Variants in FGF1 observed in about 807,000 individuals in gnomAD.
The protein encoded by FGF1 is beta-endothelial cell growth factor.
FGF1 carries 9 observed loss-of-function variants against 13.4 expected under a neutral mutation model. That is an observed-to-expected ratio of 0.67 (90% confidence interval 0.40 to 1.17). The LOEUF is 1.17. Among genes scored for constraint, FGF1 ranks in the 50% most tolerant of loss-of-function variants. FGF1 has a pLI of 0.01. For missense variants in FGF1, 156 were observed against 192.7 expected, an observed-to-expected ratio of 0.81 and a Z score of 1.13; for synonymous variants, 93 against 79.0, an observed-to-expected ratio of 1.18 and a Z score of -0.94.
At chr5:142,630,896 G>A (rs1414132307) in intron 1 of FGF1, among the ~76,000 whole-genome samples, 1 of 152,170 alleles carries the variant, frequency 6.6e-6, no homozygotes. Flanking sequence ...ACCATCATCT[G>A]TAATTAATTA....
chr5:142,664,312 G>A (rs1769867095), intron 1 of FGF1, among the ~76,000 whole-genome samples: 1 of 152,206 alleles, frequency 6.6e-6, no homozygotes, highest in African/African-American at 2.4e-5. Context: ...TTGGGCCCAG[G>A]AAGTTGCCAA....
At chr5:142,648,957 T>C (rs1274785842) in intron 1 of FGF1, among the ~76,000 whole-genome samples, 2 of 152,034 alleles carry the variant, frequency 1.3e-5, no homozygotes, top group African/African-American at 2.4e-5. Flanking sequence ...AGGAAAACAA[T>C]AGCAGGACGG....
At chr5:142,625,674 T>C (rs1338738628) in intron 1 of FGF1, among the ~76,000 whole-genome samples, 2 of 152,200 alleles carry the variant, frequency 1.3e-5, no homozygotes, top group Non-Finnish European at 2.9e-5. Context: ...ACGGACACAT[T>C]AAAGCCCCAG....
intron 1 of FGF1, among the ~76,000 whole-genome samples, chr5:142,677,136 T>C (rs567508390): frequency 3.3e-5 from 5 of 152,330 alleles, no homozygotes. Flanking sequence ...CTTTAGTTGC[T>C]GTTTCTTAAT....
intron 2 of FGF1, among the ~76,000 whole-genome samples, chr5:142,608,541 T>TA (rs1561537406): frequency 1.0e-3 from 54 of 54,108 alleles, no homozygotes; most frequent in African/African-American, 3.3e-3. Context: ...TATATACACA[T>TA]CTATATATAT....
At chr5:142,613,174 G>A (rs565923436) in intron 2 of FGF1, among the ~76,000 whole-genome samples, 17 of 152,312 alleles carry the variant, frequency 1.1e-4, no homozygotes, top group African/African-American at 3.6e-4. Context: ...ATAACATCAC[G>A]ATAGGACCTG....
chr5:142,679,067 CT>C (rs1396455701), intron 1 of FGF1, among the ~76,000 whole-genome samples: 1 of 152,156 alleles, frequency 6.6e-6, no homozygotes, highest in Non-Finnish European at 1.5e-5. Context: ...CCATCGTTCC[CT>C]TCGTTGAAAT....
At chr5:142,624,202 G>A (rs1597186960) in intron 1 of FGF1, among the ~76,000 whole-genome samples, 1 of 152,038 alleles carries the variant, frequency 6.6e-6, no homozygotes, top group South Asian at 2.1e-4. Context: ...TTACAGGCGT[G>A]AGCCACCATG....
chr5:142,695,581 C>CAAAAAA (rs1202362613), intron 2 of FGF1, among the ~76,000 whole-genome samples: 25 of 117,032 alleles, frequency 2.1e-4, no homozygotes, highest in African/African-American at 7.3e-4. Context: ...GACTCTGTAT[C>CAAAAAA]AAAAAGAAAA....
intron 1 of FGF1, among the ~76,000 whole-genome samples, chr5:142,670,336 G>A (rs756727862): frequency 1.3e-5 from 2 of 152,026 alleles, no homozygotes; most frequent in African/African-American, 2.4e-5. Context: ...GGTTCTTGCT[G>A]TTCCCTCAGC....
intron 1 of FGF1, among the ~76,000 whole-genome samples, chr5:142,620,356 T>A: frequency 6.6e-6 from 1 of 151,938 alleles, no homozygotes; most frequent in Non-Finnish European, 1.5e-5. Context: ...AGGCGGAGCT[T>A]GCAGTGAGCT....
Position 142,660,279 on chromosome 5 carries a change from C to T in FGF1, c.-35+25678G>A, listed in dbSNP as rs190294943. Among the ~76,000 whole-genome samples, 4 of 152,366 alleles carry T rather than the reference C, an allele frequency of 2.6e-5. No individual in the cohort carries two copies. In the East Asian group the frequency reaches 7.7e-4, roughly 29 times the overall value. The stretch of plus-strand genomic sequence containing the variant: ...ATGGTTTTAGGAGGAGTGGGAGCCA[C>T]TCAGCCTCTGACTGGAAGGGAAGAG... On this transcript the variant is annotated intron_variant, in intron 1 of 3. Transcript: ENST00000337706.
intron 1 of FGF1, among the ~76,000 whole-genome samples, chr5:142,639,645 A>G (rs943597935): frequency 6.6e-6 from 1 of 151,986 alleles, no homozygotes; most frequent in Non-Finnish European, 1.5e-5. Context: ...CTAGAGATCT[A>G]TCGTACAGCA....
rs183379779 is a variant in FGF1, at chr5:142,598,755, C to T, written c.273+1947G>A. Among the ~76,000 whole-genome samples the T allele has an allele frequency of 2.1e-3, 318 of 152,166 alleles. 7 individuals are homozygous for T. Among genetic ancestry groups the T allele is most frequent in the Admixed American group, 0.018 (272 of 15,272 alleles). On this transcript the variant is annotated intron_variant, in intron 3 of 3. Transcript: ENST00000337706. ...TGGGGAAAATGCAAACATTCTTAGG[C>T]GTAATATACTAAGATCATATTTCAG... is the stretch of plus-strand genomic sequence containing the variant.
chr5:142,595,624 A>G (rs1755095200), intron 3 of FGF1, 140 bp from the exon 4 acceptor site: 1 of 679,510 alleles, frequency 1.5e-6, no homozygotes, highest in East Asian at 2.7e-5. Context: ...AATTGGGGTC[A>G]TGGTGGAACT....
At chr5:142,660,852 C>G (rs1472483085) in intron 1 of FGF1, among the ~76,000 whole-genome samples, 3 of 152,194 alleles carry the variant, frequency 2.0e-5, no homozygotes, top group Admixed American at 2.0e-4. Flanking sequence ...AGCCATTTTG[C>G]AAATCTTTCC....
chr5:142,661,049 A>G (rs1769129546), intron 1 of FGF1, among the ~76,000 whole-genome samples: 1 of 152,202 alleles, frequency 6.6e-6, no homozygotes, highest in African/African-American at 2.4e-5. Context: ...AATATTATCC[A>G]TCATACACCA....
At chr5:142,663,099 C>T (rs1769583546) in intron 1 of FGF1, among the ~76,000 whole-genome samples, 1 of 152,152 alleles carries the variant, frequency 6.6e-6, no homozygotes, top group Non-Finnish European at 1.5e-5. Context: ...GCTGGGATTA[C>T]AGGCGTGCAC....
intron 1 of FGF1, among the ~76,000 whole-genome samples, chr5:142,646,642 C>T (rs1335893914): frequency 1.3e-5 from 2 of 152,134 alleles, no homozygotes; most frequent in Admixed American, 6.5e-5. Flanking sequence ...TGAGCCACTG[C>T]GCCTGGCCCC....
Sources: gnomAD v4.1 joint callset for allele counts (sites outside exome capture counted in the v4.1 genomes callset) on GRCh38, gnomAD v4.1.1 for gene constraint, MANE v1.5 for transcripts, NCBI Gene and HGNC (gene_info 2026-07-23, HGNC 2026-07-21) for gene names.